TTN: variants seen among roughly 807,000 people sequenced by gnomAD.
TTN encodes the protein titin.
Under a neutral mutation model 3,223.0 loss-of-function variants are expected in TTN, and 1,525 were observed. The ratio of observed to expected loss-of-function variants is 0.47; its 90% CI spans 0.45 to 0.49. TTN has a LOEUF of 0.49. TTN is among the 20% of genes least tolerant of loss of function. TTN has a pLI of 0.00. For synonymous variants in TTN, 14,094 were observed against 15,161.0 expected (o/e 0.93, Z 5.17); for missense variants, 40,786 against 43,424.0 (o/e 0.94, Z 5.40).
Position 178,608,740 on chromosome 2 carries a change from G to A in TTN, c.52271C>T (p.Thr17424Ile), listed in dbSNP as rs1559751874. 4 of 1,612,504 alleles carry A rather than the reference G, an allele frequency of 2.5e-6. No individual in the cohort carries two copies. Among genetic ancestry groups the A allele is most frequent in the South Asian group, 1.1e-5 (1 of 91,056 alleles). Residue 17424 changes from threonine to isoleucine, a missense_variant, in exon 274 of 363, where the codon ACA becomes ATA. Coordinates refer to ENST00000589042, the MANE Select transcript of TTN (RefSeq NM_001267550.2). Reference sequence around the variant, plus strand: ...TACTGAATATTTGCAATGTCTAAGTGTTGAAGTGACAACAATCCATTCTGA... The same window carrying A: ...TACTGAATATTTGCAATGTCTAAGTATTGAAGTGACAACAATCCATTCTGA... ...PDSEWIVVTS[T>I]LRHCKYSVTK...
At chr2:178,804,490 C>A in intron 2 of TTN, 62 bp downstream of exon 2, 2 of 1,534,902 alleles carry the variant, frequency 1.3e-6, no homozygotes, top group Non-Finnish European at 1.8e-6. Flanking sequence ...CCTGCAGCAA[C>A]GTTAACTTAC....
Position 178,552,448 on chromosome 2 carries a change from A to G in TTN, c.90452T>C (p.Leu30151Pro), listed in dbSNP as rs568322187. The G allele has an allele frequency of 6.2e-5, 99 of 1,604,862 alleles. No individual in the cohort carries two copies. The highest frequency in any genetic ancestry group is 8.2e-5 in the Non-Finnish European group (96 of 1,172,946). The change falls in exon 335 of 363, where the codon CTT becomes CCT. Residue 30151 changes from leucine to proline, a missense_variant. Leu to Pro is a moderately conservative substitution (Grantham distance 98, BLOSUM62 -3). Coordinates refer to ENST00000589042, the MANE Select transcript of TTN (RefSeq NM_001267550.2). ...GGGTTTTCCCTTATAAGGTAATTCA[A>G]GGTGCACATTGTGCCCAATTCTCAC... Reference protein sequence around the residue: ...VTVRIGHNVHLELPYKGKPKP... With the variant: ...VTVRIGHNVHPELPYKGKPKP...
chr2:178,646,987 T>C (rs1268811052), intron 215 of TTN, 77 bp downstream of exon 215: 1 of 490,026 alleles, frequency 2.0e-6, no homozygotes, highest in Admixed American at 4.5e-5. Context: ...AGGAATATTG[T>C]CCTGTAAATG....
rs1060500518 is a variant in TTN at position 178,589,188 on chromosome 2, G to A, written c.62537C>T (p.Ala20846Val). ...RSDGGKYVVT[A>V]TNTAGSFVAY... ...CACAAAACTGCCAGCCGTGTTAGTT[G>A]CCGTAACTACATATTTACCCCCATC... The change falls in exon 304 of 363, where the codon GCA (alanine) becomes GTA (valine). Residue 20846 changes from alanine (A) to valine (V), a missense_variant. Transcript: ENST00000589042. 1.4e-5 allele frequency: 22 copies of A among 1,613,342 alleles called. No homozygotes were observed. The highest frequency in any genetic ancestry group is 3.3e-5 in the Admixed American group (2 of 59,954).
At chr2:178,541,199 T>A in intron 350 of TTN, 83 bp downstream of exon 350, 1 of 1,297,530 alleles carries the variant, frequency 7.7e-7, no homozygotes, top group Non-Finnish European at 1.0e-6. Context: ...TCAAAAGTCA[T>A]AGAACTATAT....
Position 178,537,367 on chromosome 2 carries a change from A to C in TTN, c.99840T>G (p.Asp33280Glu), listed in dbSNP as rs375178211. The C allele has an allele frequency of 6.3e-7, 1 of 1,587,836 alleles. No individual in the cohort carries two copies. The highest frequency in any genetic ancestry group is 1.4e-5 in the African/African-American group (1 of 74,034). Residue 33280 changes from aspartate to glutamate, a missense_variant, in exon 355 of 363, where the codon GAT (aspartate) becomes GAG (glutamate). Physicochemically the swap from Asp to Glu is conservative, Grantham distance 45 (BLOSUM62 2). Coordinates refer to ENST00000589042, the MANE Select transcript of TTN (RefSeq NM_001267550.2). ...VQLSNVFGTV[D>E]AILDVEIQDK... The stretch of plus-strand genomic sequence containing the variant: ...CTTGTATTTCCACATCAAGGATGGC[A>C]TCAACTGTTCCAAAAACATTGCTGA...
intron 168 of TTN, 121 bp from the exon 169 acceptor site, chr2:178,664,219 T>G (rs1179606472): frequency 9.9e-7 from 1 of 1,006,810 alleles, no homozygotes; most frequent in East Asian, 2.6e-5. Context: ...TGGTAACAAG[T>G]TCCCATAATA....
chr2:178,633,552 A>C lies in TTN; in HGVS notation c.42807T>G (p.Ile14269Met), dbSNP rs778681091. The change falls in exon 232 of 363, where the codon ATT becomes ATG. Residue 14269 changes from isoleucine to methionine, a missense_variant. By Grantham distance (10) the Ile-to-Met change is conservative (BLOSUM62 1). Transcript: ENST00000589042. Reference sequence around the variant, plus strand: ...TGATAGAATATTTGGGTGAAGGGACAATCTCTTCACCATCTTTGAACCATT... The same window carrying C: ...TGATAGAATATTTGGGTGAAGGGACCATCTCTTCACCATCTTTGAACCATT... Reference protein sequence around the residue: ...PVKWFKDGEEIVPSPKYSIKA... With the variant: ...PVKWFKDGEEMVPSPKYSIKA... 1 of 1,613,416 alleles carries C rather than the reference A, an allele frequency of 6.2e-7. No homozygotes were observed. The highest frequency in any genetic ancestry group is 2.2e-5 in the East Asian group (1 of 44,744).
intron 99 of TTN, among the ~76,000 whole-genome samples, chr2:178,708,830 G>C (rs1389040085): frequency 6.6e-6 from 1 of 152,084 alleles, no homozygotes; most frequent in South Asian, 2.1e-4. Context: ...CAGATCATAA[G>C]AGTTGGTAAT....
Position 178,563,573 on chromosome 2 carries a change from T to G in TTN, c.82559A>C (p.Asn27520Thr). 1 of 1,613,838 alleles carries G rather than the reference T, an allele frequency of 6.2e-7. No homozygotes were observed. ...DKEGVRWTKC[N>T]KKTLTDLRLR... Reference sequence around the variant, plus strand: ...CCGCAGATCCGTTAATGTTTTCTTGTTGCACTTGGTCCATCTAACGCCTTC... The same window carrying G: ...CCGCAGATCCGTTAATGTTTTCTTGGTGCACTTGGTCCATCTAACGCCTTC... Residue 27520 changes from asparagine to threonine, a missense_variant, in exon 326 of 363, where the codon AAC becomes ACC. Asn to Thr is a moderately conservative substitution (Grantham distance 65). Transcript: ENST00000589042. This position sits in a 1 kb window ranked among gnomAD's most constrained non-coding sequence, Gnocchi z 4.5.
chr2:178,715,402 T>C, intron 89 of TTN, 91 bp downstream of exon 89: 1 of 1,523,892 alleles, frequency 6.6e-7, no homozygotes, highest in Non-Finnish European at 8.8e-7. Context: ...TTCCCTATTT[T>C]AAAACATCGT....
Position 178,634,156 on chromosome 2 carries a change from A to C in TTN, c.42416-73T>G, listed in dbSNP as rs2060137951. ...GAAAGATTCCATTCTAATCTGCCTG[A>C]GTAAAAGGGACCCATTTCACATGGC... On this transcript the variant is annotated intron_variant, in intron 230 of 362. Coordinates refer to ENST00000589042, the MANE Select transcript of TTN (RefSeq NM_001267550.2). The surrounding 1 kb of genome is among the most constrained non-coding windows in gnomAD (Gnocchi z 4.6). 1 of 1,570,066 alleles carries C rather than the reference A, an allele frequency of 6.4e-7. No homozygotes were observed. Among genetic ancestry groups the C allele is most frequent in the Admixed American group, 2.0e-5 (1 of 49,906 alleles).
chr2:178,544,116 C>T lies in TTN; in HGVS notation c.96029-1G>A. On this transcript the variant is annotated splice_acceptor_variant, in intron 345 of 362. Transcript: ENST00000589042. LOFTEE classifies it high-confidence loss of function. ...TCTGCAAGCTCAAGATCTGGTATTT[C>T]TGGAAAGTTAATGACAAAATTTAAT... 7.5e-6 allele frequency: 12 copies of T among 1,604,142 alleles called. No individual in the cohort carries two copies. Among genetic ancestry groups the T allele is most frequent in the African/African-American group, 1.3e-5 (1 of 74,612 alleles).
chr2:178,666,946 C>T lies in TTN; in HGVS notation c.35798-45G>A, dbSNP rs762906366. ...TTTTTTAATTGAGAAAAGGCAAAGG[C>T]ATAAAGACATGACATACTAAGAAAG... On this transcript the variant is annotated intron_variant, in intron 162 of 362. Transcript: ENST00000589042. 6.6e-6 allele frequency: 9 copies of T among 1,363,034 alleles called. No individual in the cohort carries two copies. In the African/African-American group the frequency reaches 1.3e-4, roughly 20 times the overall value. The allele number at this position is 1,363,034 out of a possible 1,614,324, so 84.4% of individuals were successfully genotyped here. A position where few individuals can be genotyped will look rare whatever the true frequency, so the allele number is the denominator to read the frequency against.
chr2:178,734,281 C>A, intron 52 of TTN, 47 bp downstream of exon 52: 1 of 1,503,206 alleles, frequency 6.7e-7, no homozygotes. Context: ...GGTAAGAAAG[C>A]TAGTTTGACA....
Position 178,770,404 on chromosome 2 carries a change from C to A in TTN, c.8380+8G>T. The A allele has an allele frequency of 6.2e-7, 1 of 1,614,106 alleles. No homozygotes were observed. The highest frequency in any genetic ancestry group is 1.1e-5 in the South Asian group (1 of 91,064). On this transcript the variant is annotated splice_region_variant and intron_variant, in intron 35 of 362. Coordinates refer to ENST00000589042, the MANE Select transcript of TTN (RefSeq NM_001267550.2). ...GACTGCTTGAAAAGTGTTTCTAAAT[C>A]AACTTACTCTCCACGTGCAGTCTGG...
At position 178,536,294 on chromosome 2, in the gene TTN, T is replaced by C. The variant is rs2154137339; in HGVS notation, c.100453A>G (p.Ile33485Val). 1 of 1,613,762 alleles carries C rather than the reference T, an allele frequency of 6.2e-7. No individual in the cohort carries two copies. The highest frequency in any genetic ancestry group is 8.5e-7 in the Non-Finnish European group (1 of 1,179,764). The stretch of plus-strand genomic sequence containing the variant: ...ATTGGGACATCAGATTTGGGAGTGA[T>C]GGGTTCTGATATTTCACTCCATTCA... The part of the protein sequence containing the change: ...ESEWSEISEP[I>V]TPKSDVPIQA... Residue 33485 changes from isoleucine to valine, a missense_variant, in exon 357 of 363, where the codon ATC becomes GTC. Coordinates refer to ENST00000589042, the MANE Select transcript of TTN (RefSeq NM_001267550.2).
intron 129 of TTN, 52 bp downstream of exon 129, chr2:178,685,201 T>A: frequency 7.1e-7 from 1 of 1,416,682 alleles, no homozygotes; most frequent in Non-Finnish European, 9.6e-7. Flanking sequence ...GTGAAGGTAT[T>A]ATTATATACA....
Position 178,609,484 on chromosome 2 carries a change from A to C in TTN, c.51826T>G (p.Tyr17276Asp). 1 of 1,612,544 alleles carries C rather than the reference A, an allele frequency of 6.2e-7. No homozygotes were observed. Among genetic ancestry groups the C allele is most frequent in the Non-Finnish European group, 8.5e-7 (1 of 1,179,150 alleles). ...TCCTTTATCCATGTAATAGTTGGGT[A>C]AGGTGATCCAGAAATACTTGCATCA... is the stretch of plus-strand genomic sequence containing the variant. ...ALDASISGSP[Y>D]PTITWIKDEN... The change falls in exon 273 of 363, where the codon TAC (tyrosine) becomes GAC (aspartate). Residue 17276 changes from tyrosine to aspartate, a missense_variant. Transcript: ENST00000589042.
Sources: allele counts gnomAD v4.1 joint callset (sites outside exome capture counted in the v4.1 genomes callset), GRCh38; gene constraint gnomAD v4.1.1; non-coding constraint Gnocchi (gnomAD v3.1); transcripts MANE v1.5; gene names NCBI Gene and HGNC (gene_info 2026-07-23, HGNC 2026-07-21).